The following NBEA variants were observed in gnomAD, a reference collection of about 807,000 sequenced individuals.
NBEA encodes the protein lysosomal-trafficking regulator 2.
A neutral mutation model predicts 343.4 loss-of-function variants in NBEA; 44 were observed. The observed-to-expected ratio is 0.13, with a 90% CI of 0.10 to 0.16. NBEA has a LOEUF of 0.16. Ranked by LOEUF, NBEA falls within the 10% of genes least tolerant of loss-of-function variation. The probability of loss-of-function intolerance (pLI) is 1.00; values close to 1 mark genes in which losing one functional copy is unlikely to be tolerated. For synonymous variants in NBEA, 1,175 were observed against 1,238.7 expected (o/e 0.95, Z 1.08); for missense variants, 2,555 against 3,631.3 (o/e 0.70, Z 7.62).
At chr13:35,435,406 A>C (rs1401284835) in intron 39 of NBEA, among the ~76,000 whole-genome samples, 1 of 152,106 alleles carries the variant, frequency 6.6e-6, no homozygotes, top group Non-Finnish European at 1.5e-5. Flanking sequence ...TAACTTCCAG[A>C]GTTGGAGGGT....
intron 10 of NBEA, among the ~76,000 whole-genome samples, chr13:35,071,220 A>G (rs1286075792): frequency 3.9e-5 from 6 of 152,044 alleles, no homozygotes; most frequent in Admixed American, 6.6e-5. Flanking sequence ...ACTAGGGTAA[A>G]GTTATTCAGA....
chr13:35,388,463 T>C (rs973009176), intron 38 of NBEA, among the ~76,000 whole-genome samples: 1 of 152,182 alleles, frequency 6.6e-6, no homozygotes, highest in Non-Finnish European at 1.5e-5. Context: ...ATTTATATTG[T>C]ATGCTAGCTT....
chr13:35,469,334 A>G (rs1296396375), intron 40 of NBEA, among the ~76,000 whole-genome samples: 2 of 152,152 alleles, frequency 1.3e-5, no homozygotes, highest in Non-Finnish European at 2.9e-5. Context: ...AAGATCTTAC[A>G]GCTCTAAAGA....
chr13:35,263,547 A>G (rs565347516), intron 34 of NBEA, among the ~76,000 whole-genome samples: 1 of 152,298 alleles, frequency 6.6e-6, no homozygotes, highest in South Asian at 2.1e-4. Context: ...GTCTTAACAT[A>G]TTTAGGAAGA....
At chr13:35,275,869 G>T (rs1036335671) in intron 34 of NBEA, among the ~76,000 whole-genome samples, 1 of 152,134 alleles carries the variant, frequency 6.6e-6, no homozygotes, top group East Asian at 1.9e-4. Context: ...ATCCTGGGGG[G>T]AGGGATAGCC....
intron 38 of NBEA, among the ~76,000 whole-genome samples, chr13:35,431,292 T>C (rs892113360): frequency 1.3e-5 from 2 of 152,100 alleles, no homozygotes; most frequent in Admixed American, 6.5e-5. Context: ...TCTAGGAAAG[T>C]ATTTTATATG....
intron 19 of NBEA, 76 bp downstream of exon 19, chr13:35,155,931 A>T: frequency 6.6e-7 from 1 of 1,510,456 alleles, no homozygotes; most frequent in Admixed American, 1.7e-5. Flanking sequence ...AACTTTTCCT[A>T]ACCCCTTAAA....
chr13:35,472,370 A>G, intron 40 of NBEA, 30 bp from the exon 41 acceptor site: 1 of 1,605,372 alleles, frequency 6.2e-7, no homozygotes, highest in Non-Finnish European at 8.5e-7. Flanking sequence ...ACAGGGGCTC[A>G]GCCTGACTCC....
At position 35,471,738 on chromosome 13, in the gene NBEA, C is replaced by G. The variant is rs77993434; in HGVS notation, c.6449-662C>G. On this transcript the variant is annotated intron_variant, in intron 40 of 58. Coordinates refer to ENST00000379939, the MANE Select transcript of NBEA (RefSeq NM_001385012.1). ...TTTTTTGAGAACCGTTTTGTTCAAG[C>G]GTCTTACATTTTCATCACTTTTGAT... Among the ~76,000 whole-genome samples the G allele has an allele frequency of 4.2e-3, 646 of 152,200 alleles. 7 individuals are homozygous for G. Among genetic ancestry groups the G allele is most frequent in the African/African-American group, 0.015 (627 of 41,534 alleles).
intron 31 of NBEA, among the ~76,000 whole-genome samples, chr13:35,205,361 A>G (rs149417844): frequency 6.6e-6 from 1 of 152,198 alleles, no homozygotes; most frequent in Non-Finnish European, 1.5e-5. Context: ...ACTGGAATTC[A>G]TAAAAATTAT....
intron 41 of NBEA, among the ~76,000 whole-genome samples, chr13:35,522,841 C>A (rs2077783775): frequency 1.3e-5 from 2 of 151,684 alleles, no homozygotes; most frequent in South Asian, 2.1e-4. Flanking sequence ...CCCCAGACCA[C>A]CCCACCCCCT....
intron 11 of NBEA, among the ~76,000 whole-genome samples, chr13:35,101,072 TGTATATAC>T (rs1389486346): frequency 2.0e-5 from 3 of 151,230 alleles, no homozygotes; most frequent in African/African-American, 7.2e-5. Context: ...TTCCATTAGA[TGTATATAC>T]ATTTTGCTTC....
intron 38 of NBEA, among the ~76,000 whole-genome samples, chr13:35,368,175 C>T (rs774161023): frequency 1.1e-4 from 16 of 151,468 alleles, no homozygotes; most frequent in East Asian, 5.8e-4. Context: ...CTATGTAATT[C>T]GTTATCTTAT....
intron 35 of NBEA, among the ~76,000 whole-genome samples, chr13:35,292,849 G>A (rs2035885899): frequency 6.6e-6 from 1 of 151,872 alleles, no homozygotes; most frequent in Admixed American, 6.6e-5. Context: ...CATAAAATAT[G>A]CTTTTCTTTT....
rs183300412 is a variant in NBEA at position 35,643,214 on chromosome 13, T to C, written c.7618-2655T>C. Among the ~76,000 whole-genome samples, 35 of 152,192 alleles carry C rather than the reference T, an allele frequency of 2.3e-4. No individual in the cohort carries two copies. In the East Asian group the frequency reaches 6.4e-3, roughly 28 times the overall value. Reference sequence around the variant, plus strand: ...ATCTTCAAACCTGAGCTCTGTCCTTTTTCCAAAAGTCTCTTTCCTAAGAAC... The same window carrying C: ...ATCTTCAAACCTGAGCTCTGTCCTTCTTCCAAAAGTCTCTTTCCTAAGAAC... On this transcript the variant is annotated intron_variant, in intron 49 of 58. Coordinates refer to ENST00000379939, the MANE Select transcript of NBEA (RefSeq NM_001385012.1).
intron 10 of NBEA, among the ~76,000 whole-genome samples, chr13:35,081,442 A>G (rs1245207189): frequency 6.6e-6 from 1 of 152,130 alleles, no homozygotes; most frequent in Non-Finnish European, 1.5e-5. Context: ...TCTTGATAAA[A>G]TACATATATT....
At chr13:34,990,022 T>G (rs936629015) in intron 1 of NBEA, among the ~76,000 whole-genome samples, 1 of 151,140 alleles carries the variant, frequency 6.6e-6, no homozygotes, top group Non-Finnish European at 1.5e-5. Context: ...GCAAGCACAC[T>G]GATGCAAGGG....
At chr13:35,086,359 C>T (rs868034996) in intron 10 of NBEA, among the ~76,000 whole-genome samples, 3 of 151,902 alleles carry the variant, frequency 2.0e-5, no homozygotes, top group African/African-American at 4.8e-5. Context: ...ACTATAGTCA[C>T]TCTACACTGA....
At chr13:34,963,493 A>G (rs1296511849) in intron 1 of NBEA, among the ~76,000 whole-genome samples, 1 of 151,990 alleles carries the variant, frequency 6.6e-6, no homozygotes, top group African/African-American at 2.4e-5. Context: ...CCTTTAGCAT[A>G]TGAATTTTTG....
Sources: gnomAD v4.1 joint callset for allele counts (sites outside exome capture counted in the v4.1 genomes callset) on GRCh38, gnomAD v4.1.1 for gene constraint, MANE v1.5 for transcripts, NCBI Gene and HGNC (gene_info 2026-07-23, HGNC 2026-07-21) for gene names.